The following PCDHGA5 variants were observed in gnomAD, a reference collection of about 807,000 sequenced individuals.
The protein encoded by PCDHGA5 is protocadherin gamma-A5.
Under a neutral mutation model 56.7 loss-of-function variants are expected in PCDHGA5, and 36 were observed. The observed-to-expected ratio is 0.64, with a 90% CI of 0.49 to 0.84. The LOEUF (loss-of-function observed/expected upper bound fraction) is 0.84, where lower values mean the gene tolerates loss of function less well. Among genes scored for constraint, PCDHGA5 ranks in the 40% least tolerant of loss-of-function variants. The pLI is 0.00. For synonymous variants in PCDHGA5, 563 were observed against 520.2 expected (o/e 1.08, Z -1.12); for missense variants, 1,305 against 1,201.5 (o/e 1.09, Z -1.27).
At position 141,509,122 on chromosome 5, in the gene PCDHGA5, G is replaced by A. The variant is rs2099875312; in HGVS notation, c.2570-1825G>A. 2.0e-5 allele frequency among the ~76,000 whole-genome samples: 3 copies of A among 152,154 alleles called. No homozygotes were observed. In the South Asian group the frequency reaches 6.2e-4, roughly 32 times the overall value. The stretch of plus-strand genomic sequence containing the variant: ...AGAAACCTGAGCGCTGGTGCGTGAA[G>A]AGAAAAACCGAGGCGCATCCCGGCT... On this transcript the variant is annotated intron_variant, in intron 3 of 3. Transcript: ENST00000518069.
intron 2 of PCDHGA5, among the ~76,000 whole-genome samples, chr5:141,502,194 T>C (rs1470985683): frequency 2.6e-5 from 4 of 152,212 alleles, no homozygotes; most frequent in Non-Finnish European, 4.4e-5. Flanking sequence ...TACAATAATA[T>C]AGAATCCACC....
intron 1 of PCDHGA5, chr5:141,403,596 C>T: frequency 6.2e-7 from 1 of 1,613,768 alleles, no homozygotes; most frequent in Non-Finnish European, 8.5e-7. Context: ...CTCACGGCCT[C>T]GGATGGCGGC....
intron 1 of PCDHGA5, chr5:141,421,683 A>G (rs1238944281): frequency 1.2e-6 from 2 of 1,613,758 alleles, no homozygotes; most frequent in African/African-American, 1.3e-5. Flanking sequence ...CTGGGGCGCG[A>G]TTTGCTCTTC....
intron 1 of PCDHGA5, chr5:141,430,664 C>G (rs2154553866): frequency 8.3e-7 from 1 of 1,209,890 alleles, no homozygotes; most frequent in East Asian, 2.6e-5. Context: ...CGGAGGAGCT[C>G]TGACTTCCCA....
At chr5:141,427,812 G>C (rs1380721111) in intron 1 of PCDHGA5, 1 of 1,524,406 alleles carries the variant, frequency 6.6e-7, no homozygotes, top group Non-Finnish European at 9.0e-7. Flanking sequence ...CGCACAGAGC[G>C]GGGTGGTGGT....
intron 2 of PCDHGA5, among the ~76,000 whole-genome samples, chr5:141,503,010 A>ATT (rs199924715): frequency 4.8e-5 from 7 of 146,772 alleles, no homozygotes; most frequent in East Asian, 2.0e-4. Context: ...TGCCCGGTTA[A>ATT]TTTTTTTTTT....
intron 1 of PCDHGA5, among the ~76,000 whole-genome samples, chr5:141,473,132 T>C (rs2099314792): frequency 6.6e-6 from 1 of 152,230 alleles, no homozygotes; most frequent in Non-Finnish European, 1.5e-5. Context: ...TGGCAAACTA[T>C]ATTATCTCTT....
Position 141,476,870 on chromosome 5 carries a change from C to T in PCDHGA5, c.2422-17937C>T, listed in dbSNP as rs2099400432. 3 of 1,613,772 alleles carry T rather than the reference C, an allele frequency of 1.9e-6. No individual in the cohort carries two copies. Among genetic ancestry groups the T allele is most frequent in the South Asian group, 1.1e-5 (1 of 91,094 alleles). On this transcript the variant is annotated intron_variant, in intron 1 of 3. Coordinates refer to ENST00000518069, the MANE Select transcript of PCDHGA5 (RefSeq NM_018918.3). The surrounding 1 kb of genome is among the most constrained non-coding windows in gnomAD (Gnocchi z 7.6). ...CTTCAACCAGTCCTTGTACCGGGCGCGCGTCCTGGAGGATGCACCCTCCGG... is the reference window on the plus strand; with the variant it reads ...CTTCAACCAGTCCTTGTACCGGGCGTGCGTCCTGGAGGATGCACCCTCCGG...
At position 141,430,258 on chromosome 5, in the gene PCDHGA5, A is replaced by G. The variant is rs542653323; in HGVS notation, c.2421+63507A>G. On this transcript the variant is annotated intron_variant, in intron 1 of 3. Coordinates refer to ENST00000518069, the MANE Select transcript of PCDHGA5 (RefSeq NM_018918.3). ...GAGAAACTCCTAGGGAGACATCTCC[A>G]TAATAGGTGTGTTGGGGGAACAGTA... is the stretch of plus-strand genomic sequence containing the variant. Among the ~76,000 whole-genome samples the G allele has an allele frequency of 5.4e-5, 8 of 148,074 alleles. No homozygotes were observed. In the South Asian group the frequency reaches 8.5e-4, roughly 16 times the overall value.
intron 1 of PCDHGA5, chr5:141,399,946 GC>G: frequency 6.2e-7 from 1 of 1,612,270 alleles, no homozygotes. Context: ...CGTGCTGCAG[GC>G]TAGCGAGCCC....
chr5:141,399,383 C>A, intron 1 of PCDHGA5: 1 of 1,614,008 alleles, frequency 6.2e-7, no homozygotes. Context: ...GTCACCATCA[C>A]AGCCACAGAC....
At chr5:141,398,683 C>T (rs910361681) in intron 1 of PCDHGA5, 1 of 1,613,796 alleles carries the variant, frequency 6.2e-7, no homozygotes, top group African/African-American at 1.3e-5. Flanking sequence ...TAAGGAGAAA[C>T]AGGATGGTAG....
intron 1 of PCDHGA5, chr5:141,389,382 T>C (rs2091728828): frequency 6.2e-7 from 1 of 1,613,704 alleles, no homozygotes; most frequent in East Asian, 2.2e-5. Flanking sequence ...GCGGGAGCTG[T>C]CATCCTACGT....
At chr5:141,389,828 A>C in intron 1 of PCDHGA5, 1 of 1,613,938 alleles carries the variant, frequency 6.2e-7, no homozygotes, top group Non-Finnish European at 8.5e-7. Flanking sequence ...GTGACGGTGG[A>C]CAGCCACCAC....
chr5:141,487,656 C>G lies in PCDHGA5; in HGVS notation c.2422-7151C>G. ...GCTCAACAAATGCTTGAGGGTTATT[C>G]TGATCCAGGCATATGGCTAGGCCAT... On this transcript the variant is annotated intron_variant, in intron 1 of 3. Coordinates refer to ENST00000518069, the MANE Select transcript of PCDHGA5 (RefSeq NM_018918.3). The surrounding 1 kb of genome is among the most constrained non-coding windows in gnomAD (Gnocchi z 5.0). 6.2e-7 allele frequency: 1 copy of G among 1,613,658 alleles called. No individual in the cohort carries two copies. Among genetic ancestry groups the G allele is most frequent in the Non-Finnish European group, 8.5e-7 (1 of 1,179,794 alleles).
chr5:141,498,093 G>T (rs975304630), intron 2 of PCDHGA5, among the ~76,000 whole-genome samples: 4 of 152,220 alleles, frequency 2.6e-5, no homozygotes, highest in Admixed American at 1.3e-4. Context: ...AATTGTATCT[G>T]GTGGTGTGGG....
intron 1 of PCDHGA5, chr5:141,389,997 A>G (rs1278035747): frequency 3.1e-6 from 5 of 1,613,844 alleles, no homozygotes; most frequent in South Asian, 2.2e-5. Flanking sequence ...CCTCGTGGCC[A>G]TGATTCTGGC....
At chr5:141,441,920 A>G (rs1276085080) in intron 1 of PCDHGA5, 8 of 352,988 alleles carry the variant, frequency 2.3e-5, no homozygotes, top group East Asian at 8.9e-5. Context: ...GTGAGACACA[A>G]TGCGTGGCTG....
chr5:141,462,486 G>A (rs62379193), intron 1 of PCDHGA5, among the ~76,000 whole-genome samples: 5,124 of 152,042 alleles, frequency 0.034, 100 homozygotes, highest in Middle Eastern at 0.088. Flanking sequence ...CGTGGTTGTT[G>A]TATCCTATAA....
Sources: gnomAD v4.1 joint callset for allele counts (sites outside exome capture counted in the v4.1 genomes callset) on GRCh38, gnomAD v4.1.1 for gene constraint, Gnocchi (gnomAD v3.1) non-coding constraint, MANE v1.5 for transcripts, NCBI Gene and HGNC (gene_info 2026-07-23, HGNC 2026-07-21) for gene names.